PLAC1: variants seen among roughly 807,000 people sequenced by gnomAD.
The protein encoded by PLAC1 is placenta-specific protein 1.
For missense variants in PLAC1, 136 were observed against 163.2 expected (o/e 0.83, Z 0.91); for synonymous variants, 68 against 62.1 (o/e 1.09, Z -0.44).
intron 1 of PLAC1, among the ~76,000 whole-genome samples, chrX:134,648,058 T>A (rs912793097): frequency 1.8e-5 from 2 of 111,369 alleles, no homozygotes; most frequent in African/African-American, 3.3e-5. Flanking sequence ...ACCCCACCCC[T>A]CACCCCCAGC....
At chrX:134,752,220 C>T (rs937351939) in intron 1 of PLAC1, among the ~76,000 whole-genome samples, 7 of 109,187 alleles carry the variant, frequency 6.4e-5, no homozygotes, top group Non-Finnish European at 1.3e-4. Flanking sequence ...TATAGAAGTT[C>T]GTTTTTCTTT....
chrX:134,663,959 G>C (rs921612061), intron 2 of PLAC1, among the ~76,000 whole-genome samples: 3 of 111,392 alleles, frequency 2.7e-5, no homozygotes, highest in African/African-American at 9.8e-5. Context: ...GTGTTTCCTT[G>C]GGTTCAGGAT....
intron 2 of PLAC1, among the ~76,000 whole-genome samples, chrX:134,592,409 G>T (rs73566603): frequency 0.049 from 5,502 of 111,730 alleles, 353 homozygotes; most frequent in African/African-American, 0.17. Context: ...GAATGTTGCT[G>T]TGAGGGTATT....
At chrX:134,651,203 G>A (rs113189018) in intron 1 of PLAC1, 5 of 231,474 alleles carry the variant, frequency 2.2e-5, no homozygotes, top group Admixed American at 1.8e-4. Context: ...TGATAGCTGC[G>A]TACCATGCGA....
At chrX:134,683,238 A>G (rs2078504903) in intron 2 of PLAC1, among the ~76,000 whole-genome samples, 1 of 110,180 alleles carries the variant, frequency 9.1e-6, no homozygotes, top group Admixed American at 9.8e-5. Context: ...ATAAAATGAG[A>G]TTTGGCTTAA....
At chrX:134,632,650 C>T (rs748163303) in intron 1 of PLAC1, among the ~76,000 whole-genome samples, 2 of 112,085 alleles carry the variant, frequency 1.8e-5, no homozygotes, top group South Asian at 7.6e-4. Context: ...TGAGTGCTGA[C>T]CACGTGTTAA....
chrX:134,683,773 T>C (rs1027061628), intron 2 of PLAC1, among the ~76,000 whole-genome samples: 2 of 112,176 alleles, frequency 1.8e-5, no homozygotes, highest in Non-Finnish European at 3.8e-5. Flanking sequence ...GGCTGTCTGC[T>C]TCCGGAGCTG....
In PLAC1 at chrX:134,675,473, C is replaced by A. The variant is rs188757401; in HGVS notation, n.174+57962G>T. ...CTGAGGTCGGGAGTTCAAGACCAGC[C>A]TGACCAACATGGAGAAATCCCGTCT... On this transcript the variant is annotated intron_variant and non_coding_transcript_variant, in intron 2 of 2. Transcript: ENST00000466797. Among the ~76,000 whole-genome samples, 378 of 111,816 alleles carry A rather than the reference C, an allele frequency of 3.4e-3. 1 individual carries two copies. The highest frequency in any genetic ancestry group is 0.012 in the African/African-American group (355 of 30,820).
In PLAC1 at chrX:134,641,392, C is replaced by T. The variant is rs1320073179; in HGVS notation, c.-131+16936G>A. ...GCCATCTCTCTTTCCTTAGTTCTGT[C>T]TTAGGCAGGTAGCACAGAGTGGGTA... On this transcript the variant is annotated intron_variant, in intron 1 of 2. Coordinates refer to ENST00000359237, the MANE Select transcript of PLAC1 (RefSeq NM_021796.4). Among the ~76,000 whole-genome samples the T allele has an allele frequency of 2.7e-5, 3 of 112,756 alleles. No homozygotes were observed. The East Asian group carries it at 8.3e-4, about 31-fold the overall frequency.
At chrX:134,640,275 C>T (rs894257666) in intron 1 of PLAC1, among the ~76,000 whole-genome samples, 1 of 111,795 alleles carries the variant, frequency 8.9e-6, no homozygotes, top group Non-Finnish European at 1.9e-5. Context: ...GCTTTTGTCC[C>T]ATGACTTTGG....
At chrX:134,708,820 G>A (rs1395824795) in intron 2 of PLAC1, among the ~76,000 whole-genome samples, 1 of 111,553 alleles carries the variant, frequency 9.0e-6, no homozygotes, top group Non-Finnish European at 1.9e-5. Flanking sequence ...TTACAGGTGT[G>A]AGCCACTGCG....
In PLAC1 at chrX:134,586,437, C is replaced by T. The variant is rs748564613; in HGVS notation, c.-59+15614G>A. 2.7e-5 allele frequency among the ~76,000 whole-genome samples: 3 copies of T among 111,783 alleles called. No individual in the cohort carries two copies. In the South Asian group the frequency reaches 1.1e-3, roughly 42 times the overall value. ...TTGCAGGAAACAGAGAGCAACATTC[C>T]ACCCAGGTGCTCACTACAGCACACC... On this transcript the variant is annotated intron_variant, in intron 2 of 2. Coordinates refer to ENST00000359237, the MANE Select transcript of PLAC1 (RefSeq NM_021796.4).
intron 2 of PLAC1, among the ~76,000 whole-genome samples, chrX:134,701,944 G>A (rs2078584809): frequency 8.9e-6 from 1 of 111,842 alleles, no homozygotes; most frequent in Non-Finnish European, 1.9e-5. Context: ...GCTTGAGCCC[G>A]GGAGGCAGAG....
intron 1 of PLAC1, among the ~76,000 whole-genome samples, chrX:134,646,119 A>T (rs2078331968): frequency 8.9e-6 from 1 of 112,059 alleles, no homozygotes; most frequent in African/African-American, 3.2e-5. Context: ...GGATATGAGC[A>T]CATTTTGAAG....
intron 2 of PLAC1, among the ~76,000 whole-genome samples, chrX:134,594,872 C>T (rs2078055430): frequency 9.4e-6 from 1 of 106,602 alleles, no homozygotes; most frequent in Admixed American, 1.0e-4. Context: ...AATTTCAACT[C>T]TTATCTTTAT....
intron 1 of PLAC1, among the ~76,000 whole-genome samples, chrX:134,608,185 T>A (rs1183086594): frequency 8.9e-6 from 1 of 111,844 alleles, no homozygotes; most frequent in African/African-American, 3.2e-5. Flanking sequence ...TAGATACATA[T>A]CCAATAGAAT....
chrX:134,668,804 CTAAG>C (rs761278497), intron 2 of PLAC1, among the ~76,000 whole-genome samples: 4 of 112,722 alleles, frequency 3.5e-5, no homozygotes, highest in Non-Finnish European at 7.5e-5. Flanking sequence ...GCAGGATGGG[CTAAG>C]TGTGAACACT....
chrX:134,761,149 T>C (rs2078768830), intron 1 of PLAC1, among the ~76,000 whole-genome samples: 1 of 110,552 alleles, frequency 9.0e-6, no homozygotes, highest in East Asian at 2.8e-4. Context: ...TAGTAATCGC[T>C]CATACAAATA....
upstream of PLAC1, among the ~76,000 whole-genome samples, chrX:134,660,339 C>T (rs1047690345): frequency 7.2e-5 from 8 of 111,631 alleles, no homozygotes; most frequent in African/African-American, 2.6e-4. Context: ...CTCCTGACCT[C>T]GGGTGATCCA....
Sources: allele counts gnomAD v4.1 joint callset (sites outside exome capture counted in the v4.1 genomes callset), GRCh38; gene constraint gnomAD v4.1.1; transcripts MANE v1.5; gene names NCBI Gene and HGNC (gene_info 2026-07-23, HGNC 2026-07-21).